Variants in MARCHF1 observed in about 807,000 individuals in gnomAD.
MARCHF1 encodes the protein E3 ubiquitin-protein ligase MARCHF1.
In MARCHF1, 40 loss-of-function variants were observed where a neutral mutation model predicts 54.2. That is an observed-to-expected ratio of 0.74 (90% confidence interval 0.57 to 0.96). The LOEUF (loss-of-function observed/expected upper bound fraction) is 0.96. Ranked by LOEUF, MARCHF1 falls within the 40% of genes least tolerant of loss-of-function variation. MARCHF1 has a pLI of 0.00. For synonymous variants in MARCHF1, 236 were observed against 236.3 expected (o/e 1.00, Z 0.01); for missense variants, 586 against 656.5 (o/e 0.89, Z 1.17).
At chr4:163,978,514 T>A (rs1020345679) in intron 3 of MARCHF1, among the ~76,000 whole-genome samples, 5 of 152,276 alleles carry the variant, frequency 3.3e-5, no homozygotes, top group African/African-American at 1.2e-4. Flanking sequence ...ATACTTGTCA[T>A]TATTTTATAT....
At chr4:163,876,685 T>C (rs1237550221) in intron 3 of MARCHF1, among the ~76,000 whole-genome samples, 1 of 152,126 alleles carries the variant, frequency 6.6e-6, no homozygotes, top group Admixed American at 6.6e-5. Flanking sequence ...ATAGATGGTA[T>C]TGCCAAAATA....
At chr4:163,840,804 A>T (rs1490616211) in intron 4 of MARCHF1, among the ~76,000 whole-genome samples, 1 of 152,024 alleles carries the variant, frequency 6.6e-6, no homozygotes, top group Non-Finnish European at 1.5e-5. Context: ...ATACATACTC[A>T]TAACTATGTT....
At chr4:163,788,986 A>G (rs1361180236) in intron 4 of MARCHF1, among the ~76,000 whole-genome samples, 1 of 152,104 alleles carries the variant, frequency 6.6e-6, no homozygotes, top group Admixed American at 6.6e-5. Context: ...TTTAGCATTC[A>G]TCGCAGATCT....
chr4:164,051,826 A>G (rs1266280449), intron 2 of MARCHF1, among the ~76,000 whole-genome samples: 3 of 152,206 alleles, frequency 2.0e-5, no homozygotes, highest in South Asian at 2.1e-4. Flanking sequence ...CAGAATAGAT[A>G]GAGATTTAAC....
intron 7 of MARCHF1, among the ~76,000 whole-genome samples, chr4:163,611,092 CA>C (rs1335515741): frequency 6.6e-6 from 1 of 151,990 alleles, no homozygotes; most frequent in Non-Finnish European, 1.5e-5. Context: ...AATTATATAT[CA>C]GCTGTAAATT....
At chr4:164,302,527 A>G (rs986123452) in intron 1 of MARCHF1, among the ~76,000 whole-genome samples, 3 of 152,178 alleles carry the variant, frequency 2.0e-5, no homozygotes, top group African/African-American at 7.2e-5. Context: ...GTTACAGAAC[A>G]TAAGCCTGGG....
chr4:163,782,500 G>A (rs749998811), intron 4 of MARCHF1, among the ~76,000 whole-genome samples: 48 of 151,812 alleles, frequency 3.2e-4, no homozygotes, highest in African/African-American at 5.8e-4. Flanking sequence ...GTGAAACCCC[G>A]TCTCTACAAA....
chr4:164,043,181 T>G (rs192077494), intron 2 of MARCHF1, among the ~76,000 whole-genome samples: 1 of 152,272 alleles, frequency 6.6e-6, no homozygotes, highest in African/African-American at 2.4e-5. Flanking sequence ...AGGGAGTCTG[T>G]ATGGGGGCTC....
intron 1 of MARCHF1, among the ~76,000 whole-genome samples, chr4:164,215,934 T>C (rs1159809891): frequency 6.6e-6 from 1 of 152,228 alleles, no homozygotes; most frequent in Non-Finnish European, 1.5e-5. Flanking sequence ...TGTTGAAATG[T>C]AATCAGAAGC....
intron 1 of MARCHF1, among the ~76,000 whole-genome samples, chr4:164,152,577 C>T (rs1250018986): frequency 2.0e-5 from 3 of 152,152 alleles, no homozygotes; most frequent in Admixed American, 6.6e-5. Flanking sequence ...TGCAAAGTCT[C>T]TTGGGGGAAA....
chr4:163,992,569 C>T (rs1262867405), intron 2 of MARCHF1, among the ~76,000 whole-genome samples: 1 of 151,560 alleles, frequency 6.6e-6, no homozygotes, highest in Admixed American at 6.6e-5. Flanking sequence ...GTGAGATTGG[C>T]ATATGAGAGT....
rs540187561 is a variant in MARCHF1, at chr4:164,260,218, C to G, written c.-323+123652G>C. ...ATAGGTGCTGTAAACACATGCATCA[C>G]TACTAATATCCCACTTCAGTGCTAT... On this transcript the variant is annotated intron_variant, in intron 1 of 9. Coordinates refer to ENST00000514618, the MANE Select transcript of MARCHF1 (RefSeq NM_001394959.1). 1.1e-4 allele frequency among the ~76,000 whole-genome samples: 17 copies of G among 152,274 alleles called. No homozygotes were observed. The East Asian group carries it at 3.1e-3, about 28-fold the overall frequency.
intron 2 of MARCHF1, among the ~76,000 whole-genome samples, chr4:164,027,301 A>C (rs1277103694): frequency 6.9e-6 from 1 of 145,672 alleles, no homozygotes; most frequent in African/African-American, 2.5e-5. Flanking sequence ...ATAAAGAACA[A>C]AGCTGGAGGC....
At chr4:164,346,642 ATATATATATATATATATATATATATATG>A (rs1242289178) in intron 1 of MARCHF1, among the ~76,000 whole-genome samples, 1 of 30,168 alleles carries the variant, frequency 3.3e-5, no homozygotes, top group Non-Finnish European at 8.3e-5. Context: ...ATATATATAT[ATATATATATATATATATATATATATATG>A]TCCATATGCT....
chr4:164,172,169 T>A (rs1579592933), intron 1 of MARCHF1, among the ~76,000 whole-genome samples: 1 of 152,204 alleles, frequency 6.6e-6, no homozygotes, highest in Non-Finnish European at 1.5e-5. Context: ...ACATCATCTA[T>A]GTGACTTCAT....
At chr4:163,860,387 C>T (rs1170950925) in intron 3 of MARCHF1, among the ~76,000 whole-genome samples, 1 of 152,070 alleles carries the variant, frequency 6.6e-6, no homozygotes, top group Non-Finnish European at 1.5e-5. Context: ...TATGGTGGTA[C>T]TAGCAGGGGA....
intron 1 of MARCHF1, among the ~76,000 whole-genome samples, chr4:164,315,762 G>A (rs1250214903): frequency 6.6e-6 from 1 of 152,042 alleles, no homozygotes; most frequent in African/African-American, 2.4e-5. Flanking sequence ...AGATCCCTAT[G>A]GATCATAACT....
intron 8 of MARCHF1, among the ~76,000 whole-genome samples, 180 bp from the exon 9 acceptor site, chr4:163,545,923 G>T (rs1738885561): frequency 6.6e-6 from 1 of 151,568 alleles, no homozygotes; most frequent in Admixed American, 6.6e-5. Flanking sequence ...ATAACCTAGA[G>T]AGTTACATAT....
At chr4:163,687,892 G>C (rs113048289) in intron 5 of MARCHF1, among the ~76,000 whole-genome samples, 6 of 152,096 alleles carry the variant, frequency 3.9e-5, no homozygotes, top group African/African-American at 9.7e-5. Flanking sequence ...AATGAGAATC[G>C]AATGAGGGAA....
Sources: gnomAD v4.1 joint callset for allele counts (sites outside exome capture counted in the v4.1 genomes callset) on GRCh38, gnomAD v4.1.1 for gene constraint, MANE v1.5 for transcripts, NCBI Gene and HGNC (gene_info 2026-07-23, HGNC 2026-07-21) for gene names.